Variants in ATXN2 observed in about 807,000 individuals in gnomAD.
ATXN2 encodes ataxin-2.
Under a neutral mutation model 138.6 loss-of-function variants are expected in ATXN2, and 37 were observed. That is an observed-to-expected ratio of 0.27 (90% CI 0.21 to 0.35). The LOEUF is 0.35. Ranked by LOEUF, ATXN2 falls within the 10% of genes least tolerant of loss-of-function variation. The pLI is 1.00. For synonymous variants in ATXN2, 549 were observed against 543.7 expected (o/e 1.01, Z -0.13); for missense variants, 1,216 against 1,480.3 (o/e 0.82, Z 2.93).
At position 111,455,330 on chromosome 12, in the gene ATXN2, T is replaced by C. The variant is rs541486448; in HGVS notation, c.3270+699A>G. 1.5e-5 allele frequency: 8 copies of C among 524,892 alleles called. No homozygotes were observed. In the East Asian group the frequency reaches 1.9e-4, roughly 13 times the overall value. 32.5% of individuals were successfully genotyped at this position (524,892 alleles called of 1,614,324 possible). A position where few individuals can be genotyped will look rare whatever the true frequency, so the allele number is the denominator to read the frequency against. ...CCTGGGCCCTGGAGTGCAGGGACCT[T>C]TGTCAGCAGCTGATGCAGACAGCAA... On this transcript the variant is annotated intron_variant, in intron 23 of 24. Coordinates refer to ENST00000673436, the MANE Select transcript of ATXN2 (RefSeq NM_001372574.1).
chr12:111,455,255 G>T, intron 23 of ATXN2: 1 of 646,184 alleles, frequency 1.5e-6, no homozygotes, highest in Non-Finnish European at 2.9e-6. Flanking sequence ...CTCAAGGCCA[G>T]CGTTAGAGCC....
intron 1 of ATXN2, among the ~76,000 whole-genome samples, chr12:111,560,094 A>C (rs924273213): frequency 2.6e-5 from 4 of 152,190 alleles, no homozygotes; most frequent in Admixed American, 2.6e-4. Flanking sequence ...CCCTTCAAAG[A>C]AGCGCAAATT....
At chr12:111,484,479 C>T (rs1185903774) in intron 18 of ATXN2, among the ~76,000 whole-genome samples, 6 of 152,132 alleles carry the variant, frequency 3.9e-5, no homozygotes, top group Non-Finnish European at 8.8e-5. Flanking sequence ...GTTGCCCAGG[C>T]TGAAGTGCAG....
intron 5 of ATXN2, among the ~76,000 whole-genome samples, chr12:111,545,669 AAAT>A (rs930069686): frequency 6.6e-6 from 1 of 152,068 alleles, no homozygotes; most frequent in African/African-American, 2.4e-5. Context: ...ACCAGAGGAA[AAAT>A]AATAATGAGG....
intron 1 of ATXN2, among the ~76,000 whole-genome samples, chr12:111,583,503 T>C (rs560111889): frequency 1.3e-5 from 2 of 151,448 alleles, no homozygotes; most frequent in South Asian, 2.1e-4. Flanking sequence ...CGGTAGATCA[T>C]GCCTGTAATC....
intron 18 of ATXN2, chr12:111,472,004 C>T (rs1016857831): frequency 4.6e-5 from 7 of 152,174 alleles, no homozygotes; most frequent in Non-Finnish European, 8.8e-5. Context: ...GTGGCTCACG[C>T]TTATAATCCC....
intron 5 of ATXN2, among the ~76,000 whole-genome samples, chr12:111,541,435 T>C (rs553954971): frequency 7.6e-5 from 10 of 130,796 alleles, no homozygotes; most frequent in African/African-American, 2.8e-4. Context: ...CACTGCAACC[T>C]CCACCTCCCG....
At position 111,599,212 on chromosome 12, in the gene ATXN2, G is replaced by A. The variant is rs1381816563; in HGVS notation, c.-178C>T. On this transcript the variant is annotated 5_prime_UTR_variant, in exon 1 of 25. Coordinates refer to ENST00000673436, the MANE Select transcript of ATXN2 (RefSeq NM_001372574.1). ...GGAGAAGGAGGACGACGAAGGGGCG[G>A]GGAGGCCCGCCGAGACCAAGGAGCC... is the stretch of plus-strand genomic sequence containing the variant. The A allele has an allele frequency of 1.2e-5, 14 of 1,203,038 alleles. No individual in the cohort carries two copies. The East Asian group carries it at 4.9e-4, about 42-fold the overall frequency. The allele number at this position is 1,203,038 out of a possible 1,614,324, so 74.5% of individuals were successfully genotyped here. A position where few individuals can be genotyped will look rare whatever the true frequency, so the allele number is the denominator to read the frequency against.
chr12:111,459,380 A>G (rs1205713197), intron 21 of ATXN2, among the ~76,000 whole-genome samples: 1 of 152,182 alleles, frequency 6.6e-6, no homozygotes, highest in African/African-American at 2.4e-5. Context: ...AAAAGATTTG[A>G]TGTAAATTTC....
chr12:111,593,238 C>T (rs1884769232), intron 1 of ATXN2, among the ~76,000 whole-genome samples: 2 of 151,814 alleles, frequency 1.3e-5, no homozygotes, highest in Non-Finnish European at 2.9e-5. Flanking sequence ...GGATTACAGG[C>T]GCCCACCACC....
At chr12:111,459,599 C>G (rs959776356) in intron 21 of ATXN2, among the ~76,000 whole-genome samples, 1 of 151,626 alleles carries the variant, frequency 6.6e-6, no homozygotes, top group Non-Finnish European at 1.5e-5. Flanking sequence ...CATCACCATG[C>G]CTGGCTGATT....
At position 111,598,981 on chromosome 12, in the gene ATXN2, C is replaced by T. The variant is rs764111771; in HGVS notation, c.54G>A (p.Gln18=). 8.0e-6 allele frequency: 10 copies of T among 1,256,108 alleles called. No homozygotes were observed. The highest frequency in any genetic ancestry group is 2.4e-5 in the Admixed American group (1 of 41,032). The allele number at this position is 1,256,108 out of a possible 1,614,324, so 77.8% of individuals were successfully genotyped here. The part of the protein sequence containing the change: ...QQQQQQQQQQ[Q]QQQQQQQQQQ... ...GCTGCTGCTGCTGCTGCTGCTGTTG[C>T]TGCTGCTGCTGCTGCTGCTGCTGCT... The change falls in exon 1 of 25, where the codon CAG becomes CAA. Residue 18 remains glutamine (Q), a synonymous_variant. Transcript: ENST00000673436. This position sits in a 1 kb window ranked among gnomAD's most constrained non-coding sequence, Gnocchi z 4.5.
At chr12:111,535,024 C>G (rs543116418) in intron 5 of ATXN2, among the ~76,000 whole-genome samples, 27 of 152,062 alleles carry the variant, frequency 1.8e-4, no homozygotes, top group African/African-American at 6.3e-4. Context: ...TAGGGTGGTG[C>G]ATGGGGAGGC....
chr12:111,580,446 C>CAGTA (rs1487945733), intron 1 of ATXN2, among the ~76,000 whole-genome samples: 2 of 150,026 alleles, frequency 1.3e-5, no homozygotes, highest in African/African-American at 4.9e-5. Flanking sequence ...TACACAGTTA[C>CAGTA]AGTAAGCTAT....
intron 5 of ATXN2, among the ~76,000 whole-genome samples, chr12:111,540,261 A>G (rs1292343837): frequency 6.6e-6 from 1 of 150,628 alleles, no homozygotes; most frequent in Non-Finnish European, 1.5e-5. Context: ...AAATAATACT[A>G]AAACTAGATA....
chr12:111,568,341 A>C (rs1438570058), intron 1 of ATXN2, among the ~76,000 whole-genome samples: 1 of 152,088 alleles, frequency 6.6e-6, no homozygotes, highest in African/African-American at 2.4e-5. Context: ...ATACAATATA[A>C]TTATAGAGCT....
chr12:111,489,988 A>C (rs888972198), intron 14 of ATXN2, among the ~76,000 whole-genome samples: 4 of 151,942 alleles, frequency 2.6e-5, no homozygotes, highest in Admixed American at 6.6e-5. Flanking sequence ...GGATCACTTG[A>C]GGTCAGGAGT....
chr12:111,552,127 C>T lies in ATXN2; in HGVS notation c.571+153G>A, dbSNP rs1198767486. 2.6e-5 allele frequency among the ~76,000 whole-genome samples: 4 copies of T among 151,956 alleles called. No individual in the cohort carries two copies. Among genetic ancestry groups the T allele is most frequent in the African/African-American group, 7.3e-5 (3 of 41,356 alleles). ...AACTCCTGACCTCAGGTGATCCACC[C>T]GCCTCAGCCTCCCTAAGTGCTAAGA... On this transcript the variant is annotated intron_variant, in intron 5 of 24. Transcript: ENST00000673436. The surrounding 1 kb of genome is among the most constrained non-coding windows in gnomAD (Gnocchi z 4.1).
At chr12:111,518,922 G>T (rs1880004126) in intron 8 of ATXN2, among the ~76,000 whole-genome samples, 1 of 152,028 alleles carries the variant, frequency 6.6e-6, no homozygotes, top group South Asian at 2.1e-4. Flanking sequence ...CTTTAAGAGA[G>T]GATGCATCTC....
Sources: gnomAD v4.1 joint callset for allele counts (sites outside exome capture counted in the v4.1 genomes callset) on GRCh38, gnomAD v4.1.1 for gene constraint, Gnocchi (gnomAD v3.1) non-coding constraint, MANE v1.5 for transcripts, NCBI Gene and HGNC (gene_info 2026-07-23, HGNC 2026-07-21) for gene names.